Variants in WWOX observed in about 807,000 individuals in gnomAD.
The protein encoded by WWOX is WW domain-containing oxidoreductase.
Under a neutral mutation model 46.2 loss-of-function variants are expected in WWOX, and 69 were observed. That is an observed-to-expected ratio of 1.49 (90% CI 1.23 to 1.82). The LOEUF is 1.82. WWOX is among the 40% of genes most tolerant of loss of function. The probability of loss-of-function intolerance (pLI) is 0.00; values close to 1 mark genes in which losing one functional copy is unlikely to be tolerated. For synonymous variants in WWOX, 359 were observed against 202.6 expected, an observed-to-expected ratio of 1.77 and a Z score of -6.56; for missense variants, 919 against 542.6, an observed-to-expected ratio of 1.69 and a Z score of -6.89.
intron 8 of WWOX, among the ~76,000 whole-genome samples, chr16:78,819,489 C>T (rs936268907): frequency 4.6e-5 from 7 of 152,206 alleles, no homozygotes; most frequent in Non-Finnish European, 8.8e-5. Flanking sequence ...GAAATTTCTG[C>T]ATAATCCACC....
At chr16:78,635,987 A>G (rs2046558737) in intron 8 of WWOX, among the ~76,000 whole-genome samples, 1 of 152,140 alleles carries the variant, frequency 6.6e-6, no homozygotes, top group South Asian at 2.1e-4. Context: ...GGTTAATACA[A>G]TTCCGTAACT....
intron 8 of WWOX, among the ~76,000 whole-genome samples, chr16:78,877,766 A>G (rs566917919): frequency 2.6e-5 from 4 of 152,290 alleles, no homozygotes; most frequent in Non-Finnish European, 5.9e-5. Flanking sequence ...GGAAGACAAT[A>G]TTTATTGGAG....
chr16:78,961,186 A>G (rs959272412), intron 8 of WWOX, among the ~76,000 whole-genome samples: 3 of 152,220 alleles, frequency 2.0e-5, no homozygotes, highest in Admixed American at 6.5e-5. Flanking sequence ...TCCTTTATGC[A>G]GGGATGGTGA....
chr16:78,844,747 C>G (rs1198830131), intron 8 of WWOX, among the ~76,000 whole-genome samples: 1 of 152,200 alleles, frequency 6.6e-6, no homozygotes, highest in African/African-American at 2.4e-5. Flanking sequence ...TCTGGAAACC[C>G]CAGTGCCATC....
chr16:78,439,450 C>G (rs1446705693), intron 8 of WWOX, among the ~76,000 whole-genome samples: 1 of 152,116 alleles, frequency 6.6e-6, no homozygotes, highest in Non-Finnish European at 1.5e-5. Context: ...TCTTCCTGCC[C>G]TGGATTAACA....
At chr16:78,141,464 T>C (rs926234594) in intron 4 of WWOX, among the ~76,000 whole-genome samples, 1 of 137,710 alleles carries the variant, frequency 7.3e-6, no homozygotes, top group African/African-American at 2.7e-5. Flanking sequence ...CCTGTACTCC[T>C]TTGAGAATAT....
intron 8 of WWOX, among the ~76,000 whole-genome samples, chr16:78,856,336 A>G (rs1050508298): frequency 1.3e-5 from 2 of 152,204 alleles, no homozygotes; most frequent in African/African-American, 4.8e-5. Flanking sequence ...AGTGACTTTT[A>G]TCGAAGTAGA....
intron 8 of WWOX, among the ~76,000 whole-genome samples, chr16:78,529,126 T>C (rs1285550388): frequency 6.6e-6 from 1 of 151,820 alleles, no homozygotes; most frequent in Non-Finnish European, 1.5e-5. Flanking sequence ...GCTAAGTTTG[T>C]TCATTTTTTG....
At chr16:78,224,135 C>G (rs1186838714) in intron 5 of WWOX, among the ~76,000 whole-genome samples, 3 of 152,104 alleles carry the variant, frequency 2.0e-5, no homozygotes, top group East Asian at 1.9e-4. Context: ...TCCCAAGTAG[C>G]TGGGACTACA....
chr16:78,364,404 A>T (rs1345342191), intron 5 of WWOX, among the ~76,000 whole-genome samples: 1 of 152,196 alleles, frequency 6.6e-6, no homozygotes, highest in Non-Finnish European at 1.5e-5. Flanking sequence ...GCTTTGGAGA[A>T]GGCAGCATTT....
chr16:78,442,513 C>T (rs189455857), intron 8 of WWOX, among the ~76,000 whole-genome samples: 3 of 152,204 alleles, frequency 2.0e-5, no homozygotes, highest in East Asian at 3.9e-4. Flanking sequence ...AGTTTGACTG[C>T]TTTAAATTCC....
intron 8 of WWOX, among the ~76,000 whole-genome samples, chr16:78,879,924 C>G (rs2044309321): frequency 6.6e-6 from 1 of 151,916 alleles, no homozygotes; most frequent in East Asian, 1.9e-4. Flanking sequence ...AGTCTGGAAT[C>G]TCTAGGGTCT....
At chr16:78,563,995 C>T (rs12446234) in intron 8 of WWOX, among the ~76,000 whole-genome samples, 3,590 of 151,830 alleles carry the variant, frequency 0.024, 65 homozygotes, top group African/African-American at 0.052. Context: ...TGCTGTGCTA[C>T]GAACCCTTTT....
At chr16:78,926,361 A>T (rs1268017582) in intron 8 of WWOX, among the ~76,000 whole-genome samples, 3 of 95,224 alleles carry the variant, frequency 3.2e-5, no homozygotes, top group Admixed American at 2.5e-4. Flanking sequence ...TGACAGTGAG[A>T]CCCTATCTCA....
chr16:78,676,526 C>T (rs1012867407), intron 8 of WWOX, among the ~76,000 whole-genome samples: 1 of 151,906 alleles, frequency 6.6e-6, no homozygotes, highest in Non-Finnish European at 1.5e-5. Context: ...CACATTGTTC[C>T]AACTCAAAGT....
chr16:78,732,585 A>T (rs1276601197), intron 8 of WWOX, among the ~76,000 whole-genome samples: 1 of 152,186 alleles, frequency 6.6e-6, no homozygotes, highest in Non-Finnish European at 1.5e-5. Context: ...AATTTGATAA[A>T]GATGTGGTAA....
intron 5 of WWOX, among the ~76,000 whole-genome samples, chr16:78,188,326 A>G (rs1344389770): frequency 2.0e-5 from 3 of 151,980 alleles, no homozygotes; most frequent in Non-Finnish European, 4.4e-5. Context: ...CGTCTTTACT[A>G]AAAATACAAA....
intron 8 of WWOX, 61 bp downstream of exon 8, chr16:78,432,813 T>A (rs965336703): frequency 6.2e-7 from 1 of 1,612,222 alleles, no homozygotes; most frequent in African/African-American, 1.3e-5. Context: ...TGCACACTTG[T>A]GTCTCCACCT....
At chr16:78,683,364 C>T (rs2047775902) in intron 8 of WWOX, among the ~76,000 whole-genome samples, 1 of 151,248 alleles carries the variant, frequency 6.6e-6, no homozygotes, top group Non-Finnish European at 1.5e-5. Context: ...AAGGCGAAAC[C>T]CCATCTCTAC....
Sources: allele counts gnomAD v4.1 joint callset (sites outside exome capture counted in the v4.1 genomes callset), GRCh38; gene constraint gnomAD v4.1.1; transcripts MANE v1.5; gene names NCBI Gene and HGNC (gene_info 2026-07-23, HGNC 2026-07-21).